Variants in INPP5A observed in about 807,000 individuals in gnomAD.
INPP5A encodes the protein 43 kDa inositol polyphosphate 5-phophatase.
In INPP5A, 14 loss-of-function variants were observed where a neutral mutation model predicts 65.2. The ratio of observed to expected loss-of-function variants is 0.21; its 90% confidence interval spans 0.14 to 0.34. The LOEUF (loss-of-function observed/expected upper bound fraction) is 0.34, where lower values mean the gene tolerates loss of function less well. INPP5A is among the 10% of genes least tolerant of loss of function. INPP5A has a pLI of 1.00. For missense variants in INPP5A, 431 were observed against 545.6 expected (o/e 0.79, Z 2.09); for synonymous variants, 207 against 208.3 (o/e 0.99, Z 0.05).
At chr10:132,672,158 T>C (rs1291255312) in intron 4 of INPP5A, among the ~76,000 whole-genome samples, 3 of 152,262 alleles carry the variant, frequency 2.0e-5, no homozygotes, top group African/African-American at 7.2e-5. Context: ...TGTTTGTGCA[T>C]GTATACACTT....
intron 9 of INPP5A, among the ~76,000 whole-genome samples, chr10:132,738,856 A>G (rs1027992392): frequency 6.6e-6 from 1 of 152,112 alleles, no homozygotes; most frequent in South Asian, 2.1e-4. Context: ...TCTGCACCCC[A>G]TAAGCTTGGG....
Position 132,678,027 on chromosome 10 carries a change from A to G in INPP5A, c.307-12365A>G, listed in dbSNP as rs189622185. On this transcript the variant is annotated intron_variant, in intron 4 of 15. Transcript: ENST00000368594. This position sits in a 1 kb window ranked among gnomAD's most constrained non-coding sequence, Gnocchi z 4.1. ...TTACGTGTGCATCTCTCCCGCCAGC[A>G]GCCAGCCGGGAGAGGGGCTCGGCAG... Among the ~76,000 whole-genome samples the G allele has an allele frequency of 3.0e-3, 454 of 152,368 alleles. 2 individuals are homozygous for G. Among genetic ancestry groups the G allele is most frequent in the African/African-American group, 0.01 (425 of 41,586 alleles).
intron 1 of INPP5A, among the ~76,000 whole-genome samples, chr10:132,574,455 G>A (rs184123783): frequency 5.0e-4 from 75 of 150,738 alleles, no homozygotes; most frequent in African/African-American, 1.7e-3. Flanking sequence ...GTTTTGTTGC[G>A]ATGTTGGGTG....
chr10:132,557,966 C>T (rs1009338553), intron 1 of INPP5A, among the ~76,000 whole-genome samples: 1 of 152,212 alleles, frequency 6.6e-6, no homozygotes, highest in Admixed American at 6.5e-5. Context: ...AATTCTAGTC[C>T]CTGTCTTCCC....
At chr10:132,646,775 G>A (rs1445893968) in intron 3 of INPP5A, among the ~76,000 whole-genome samples, 1 of 151,892 alleles carries the variant, frequency 6.6e-6, no homozygotes, top group Non-Finnish European at 1.5e-5. Flanking sequence ...GTGGGCCGAC[G>A]CCGCTGCCAC....
Position 132,707,866 on chromosome 10 carries a change from C to CCA in INPP5A, c.475-439_475-438dup, listed in dbSNP as rs949652357. Among the ~76,000 whole-genome samples, 1 of 152,048 alleles carries CCA rather than the reference C, an allele frequency of 6.6e-6. No homozygotes were observed. The highest frequency in any genetic ancestry group is 1.5e-5 in the Non-Finnish European group (1 of 68,012). ...GTGGGTGGTGGGGATCAGTGAGAGA[C>CCA]CACACACACTGTTGGGGTGGGCAGG... On this transcript the variant is annotated intron_variant, in intron 6 of 15. Transcript: ENST00000368594. The surrounding 1 kb of genome is among the most constrained non-coding windows in gnomAD (Gnocchi z 5.5).
At chr10:132,734,335 C>T (rs1204722278) in intron 9 of INPP5A, among the ~76,000 whole-genome samples, 2 of 152,242 alleles carry the variant, frequency 1.3e-5, no homozygotes, top group African/African-American at 4.8e-5. Flanking sequence ...CGAGGAATCC[C>T]TGTGGTCCAG....
chr10:132,744,574 T>G (rs1280274474), intron 9 of INPP5A, among the ~76,000 whole-genome samples: 1 of 152,190 alleles, frequency 6.6e-6, no homozygotes, highest in African/African-American at 2.4e-5. Context: ...AAGCCTTATT[T>G]CCTTGATGAT....
At chr10:132,751,180 CTCA>C (rs1308846798) in intron 11 of INPP5A, among the ~76,000 whole-genome samples, 2 of 152,226 alleles carry the variant, frequency 1.3e-5, no homozygotes, top group African/African-American at 2.4e-5. Context: ...CCTCCTGCCC[CTCA>C]TCAACCCAGA....
At chr10:132,629,096 G>A (rs1371248381) in intron 2 of INPP5A, among the ~76,000 whole-genome samples, 1 of 152,220 alleles carries the variant, frequency 6.6e-6, no homozygotes, top group Non-Finnish European at 1.5e-5. Context: ...AGCTGAAGCA[G>A]CACCTGGCAT....
intron 8 of INPP5A, among the ~76,000 whole-genome samples, chr10:132,721,829 A>T (rs527532528): frequency 1.4e-4 from 22 of 152,306 alleles, no homozygotes; most frequent in Middle Eastern, 3.4e-3. Context: ...GGGGCGCCTT[A>T]GATGGCTGTC....
rs956806751 is a variant in INPP5A at position 132,762,965 on chromosome 10, G to T, written c.904-2808G>T. ...GATCACATCACTGCACTCCAGCCTGGGTGACAGAGGGAGACTCTGTTTCAA... is the reference window on the plus strand; with the variant it reads ...GATCACATCACTGCACTCCAGCCTGTGTGACAGAGGGAGACTCTGTTTCAA... On this transcript the variant is annotated intron_variant, in intron 11 of 15. Transcript: ENST00000368594. The surrounding 1 kb of genome is among the most constrained non-coding windows in gnomAD (Gnocchi z 4.6). Among the ~76,000 whole-genome samples, 3 of 152,188 alleles carry T rather than the reference G, an allele frequency of 2.0e-5. No homozygotes were observed. Among genetic ancestry groups the T allele is most frequent in the African/African-American group, 7.2e-5 (3 of 41,446 alleles).
At chr10:132,695,853 T>C (rs1203513965) in intron 5 of INPP5A, among the ~76,000 whole-genome samples, 1 of 152,156 alleles carries the variant, frequency 6.6e-6, no homozygotes, top group African/African-American at 2.4e-5. Context: ...AAGATCTAGA[T>C]AAATGGAGAG....
chr10:132,608,428 CCT>C (rs1354987901), intron 2 of INPP5A, among the ~76,000 whole-genome samples: 1 of 152,218 alleles, frequency 6.6e-6, no homozygotes, highest in African/African-American at 2.4e-5. Context: ...CACGGACCCC[CCT>C]GTCTAATATG....
At chr10:132,568,911 ATT>A (rs1171904388) in intron 1 of INPP5A, among the ~76,000 whole-genome samples, 16 of 129,050 alleles carry the variant, frequency 1.2e-4, no homozygotes, top group African/African-American at 4.0e-4. Context: ...TCTTACCGGC[ATT>A]TTTTTTTTTT....
chr10:132,559,838 A>G (rs1459915036), intron 1 of INPP5A, among the ~76,000 whole-genome samples: 1 of 152,222 alleles, frequency 6.6e-6, no homozygotes, highest in East Asian at 1.9e-4. Context: ...CTTCTTCCTT[A>G]TGACTGAATG....
chr10:132,588,012 C>CAA (rs796469034), intron 1 of INPP5A, among the ~76,000 whole-genome samples: 15 of 55,836 alleles, frequency 2.7e-4, no homozygotes, highest in Admixed American at 6.0e-4. Context: ...AACTCCATCT[C>CAA]AAAAAAAAAA....
intron 1 of INPP5A, among the ~76,000 whole-genome samples, chr10:132,576,258 C>T (rs2071411383): frequency 6.6e-6 from 1 of 152,218 alleles, no homozygotes; most frequent in Non-Finnish European, 1.5e-5. Flanking sequence ...CCTCCTGCCC[C>T]CAGGACAGCA....
intron 2 of INPP5A, among the ~76,000 whole-genome samples, chr10:132,619,712 G>A (rs1380200651): frequency 6.6e-6 from 1 of 152,214 alleles, no homozygotes; most frequent in East Asian, 1.9e-4. Context: ...AGGCTGGAGT[G>A]CAATGGCATG....
Sources: allele counts gnomAD v4.1 joint callset (sites outside exome capture counted in the v4.1 genomes callset), GRCh38; gene constraint gnomAD v4.1.1; non-coding constraint Gnocchi (gnomAD v3.1); transcripts MANE v1.5; gene names NCBI Gene and HGNC (gene_info 2026-07-23, HGNC 2026-07-21).